Variants in WDR75 observed in about 807,000 individuals in gnomAD.
The protein encoded by WDR75 is WD repeat-containing protein 75.
WDR75 carries 52 observed loss-of-function variants against 106.1 expected under a neutral mutation model. That is an observed-to-expected ratio of 0.49 (90% CI 0.39 to 0.62). WDR75 has a LOEUF of 0.62. WDR75 is among the 20% of genes least tolerant of loss of function. The pLI is 0.00. For synonymous variants in WDR75, 333 were observed against 335.5 expected (o/e 0.99, Z 0.08); for missense variants, 905 against 970.3 (o/e 0.93, Z 0.89).
chr2:189,450,736 T>C lies in WDR75; in HGVS notation c.217-167T>C. 4 of 1,414,992 alleles carry C rather than the reference T, an allele frequency of 2.8e-6. No individual in the cohort carries two copies. In the East Asian group the frequency reaches 1.1e-4, roughly 40 times the overall value. The allele number at this position is 1,414,992 out of a possible 1,614,324, so 87.7% of individuals were successfully genotyped here. A position where few individuals can be genotyped will look rare whatever the true frequency, so the allele number is the denominator to read the frequency against. ...TGGATCTGCTTCTTGCAGAAAGCTG[T>C]GAAAAGATTGTTTTGCAGAAGCAAT... On this transcript the variant is annotated intron_variant, in intron 2 of 20. Transcript: ENST00000314761.
chr2:189,444,047 A>G (rs1686443139), intron 1 of WDR75, among the ~76,000 whole-genome samples: 1 of 152,180 alleles, frequency 6.6e-6, no homozygotes, highest in Non-Finnish European at 1.5e-5. Flanking sequence ...AGCTAGTAGT[A>G]GGTAGAAATT....
Position 189,467,637 on chromosome 2 carries a change from T to C in WDR75, c.1617T>C (p.Ala539=), listed in dbSNP as rs1438764596. The change falls in exon 14 of 21, where the codon GCT becomes GCC. Residue 539 remains alanine (A), a synonymous_variant. Coordinates refer to ENST00000314761, the MANE Select transcript of WDR75 (RefSeq NM_032168.3). The part of the protein sequence containing the change: ...WELKCTFCQR[A]GKIRHLCFGR... ...TTAAATGTACATTTTGCCAACGAGC[T>C]GGGAAAATAAGGTAGGTAAATCTTC... 1 of 1,596,716 alleles carries C rather than the reference T, an allele frequency of 6.3e-7. No homozygotes were observed. Among genetic ancestry groups the C allele is most frequent in the Non-Finnish European group, 8.5e-7 (1 of 1,172,024 alleles).
intron 3 of WDR75, 39 bp from the exon 4 acceptor site, chr2:189,451,766 G>T: frequency 6.4e-7 from 1 of 1,563,290 alleles, no homozygotes; most frequent in Non-Finnish European, 8.8e-7. Flanking sequence ...CCACTGGAGG[G>T]AACAGACAGT....
chr2:189,456,675 C>G (rs762522387), intron 5 of WDR75, among the ~76,000 whole-genome samples: 2 of 152,030 alleles, frequency 1.3e-5, no homozygotes, highest in Non-Finnish European at 2.9e-5. Context: ...AGGAAATGTT[C>G]TAGATCCTGA....
chr2:189,457,507 A>G, intron 6 of WDR75, 126 bp downstream of exon 6: 1 of 631,624 alleles, frequency 1.6e-6, no homozygotes, highest in Non-Finnish European at 2.8e-6. Context: ...TAAGACTGTG[A>G]AGTATGGAGG....
Position 189,462,579 on chromosome 2 carries a change from A to C in WDR75, c.874A>C (p.Thr292Pro), listed in dbSNP as rs1176824681. 6.8e-6 allele frequency: 11 copies of C among 1,614,088 alleles called. No homozygotes were observed. Among genetic ancestry groups the C allele is most frequent in the Non-Finnish European group, 9.3e-6 (11 of 1,179,968 alleles). ...NKEFLPRLGA[T>P]IEHISVSPAG... ...GGAGTTTCTCCCGCGTTTAGGAGCT[A>C]CTATTGAACATATCTCAGTCTCGCC... The change falls in exon 9 of 21, where the codon ACT (threonine) becomes CCT (proline). Residue 292 changes from threonine to proline, a missense_variant. By Grantham distance (38) the Thr-to-Pro change is conservative. Coordinates refer to ENST00000314761, the MANE Select transcript of WDR75 (RefSeq NM_032168.3).
intron 8 of WDR75, among the ~76,000 whole-genome samples, chr2:189,461,323 A>G (rs1418507013): frequency 6.6e-6 from 1 of 152,232 alleles, no homozygotes; most frequent in Non-Finnish European, 1.5e-5. Context: ...TCAAACCATT[A>G]GATTTAATTG....
chr2:189,455,540 C>A, intron 5 of WDR75, 96 bp downstream of exon 5: 2 of 1,419,762 alleles, frequency 1.4e-6, no homozygotes, highest in East Asian at 4.6e-5. Flanking sequence ...TTTTATATTC[C>A]CTTGAATTAC....
At chr2:189,466,671 C>T in intron 13 of WDR75, 89 bp downstream of exon 13, 2 of 1,322,344 alleles carry the variant, frequency 1.5e-6, no homozygotes, top group South Asian at 1.5e-5. Flanking sequence ...CCTGGGAGGA[C>T]ATTTTCTACT....
At chr2:189,475,116 A>G in intron 20 of WDR75, 97 bp from the exon 21 acceptor site, 1 of 963,972 alleles carries the variant, frequency 1.0e-6, no homozygotes, top group Non-Finnish European at 1.5e-6. Flanking sequence ...TTCTTCATTT[A>G]CTTTGTGTGA....
intron 4 of WDR75, 91 bp from the exon 5 acceptor site, chr2:189,455,229 A>T (rs1420019723): frequency 9.0e-6 from 13 of 1,438,870 alleles, no homozygotes; most frequent in Admixed American, 7.7e-5. Context: ...CGACAGAGCA[A>T]GACTTTGCCT....
chr2:189,467,320 G>A, intron 13 of WDR75, 148 bp from the exon 14 acceptor site: 4 of 683,590 alleles, frequency 5.9e-6, no homozygotes, highest in Admixed American at 3.0e-5. Context: ...TTTTTGTACT[G>A]TACACAGCTA....
At chr2:189,457,247 A>T in intron 5 of WDR75, 64 bp from the exon 6 acceptor site, 1 of 1,213,934 alleles carries the variant, frequency 8.2e-7, no homozygotes, top group Non-Finnish European at 1.2e-6. Flanking sequence ...GTCTCAAAAA[A>T]AAAAGAAAAA....
Position 189,455,318 on chromosome 2 carries a change from A to AGCT in WDR75, c.374-1_374insCTG. Reference sequence around the variant, plus strand: ...TATATTAATATAGCTTTCTTTGGCTAGATATATTTCAGCTGGTTTCAGTGA... The same window carrying AGCT: ...TATATTAATATAGCTTTCTTTGGCTAGCTGATATATTTCAGCTGGTTTCAGTGA... On this transcript the variant is annotated splice_acceptor_variant, in intron 4 of 20. Transcript: ENST00000314761. LOFTEE classifies it high-confidence loss of function. The AGCT allele has an allele frequency of 6.2e-7, 1 of 1,613,386 alleles. No individual in the cohort carries two copies. The highest frequency in any genetic ancestry group is 1.1e-5 in the South Asian group (1 of 91,040).
intron 1 of WDR75, 73 bp from the exon 2 acceptor site, chr2:189,448,306 A>G (rs1686542126): frequency 6.8e-7 from 1 of 1,462,162 alleles, no homozygotes; most frequent in Non-Finnish European, 9.2e-7. Context: ...AATGATGAAA[A>G]ATGTCTTTTT....
At chr2:189,474,980 T>A (rs1487924686) in intron 20 of WDR75, among the ~76,000 whole-genome samples, 172 bp downstream of exon 20, 1 of 152,186 alleles carries the variant, frequency 6.6e-6, no homozygotes, top group Non-Finnish European at 1.5e-5. Context: ...TGAAAATAAG[T>A]TTCAAAAAAG....
intron 2 of WDR75, chr2:189,450,021 A>T (rs1686582877): frequency 1.4e-5 from 14 of 985,338 alleles, no homozygotes; most frequent in Non-Finnish European, 1.7e-5. Context: ...CCTATGTGTT[A>T]GTAAGGTCTT....
chr2:189,474,208 C>A lies in WDR75; in HGVS notation c.2072C>A (p.Pro691His), dbSNP rs776733676. 1 of 1,612,186 alleles carries A rather than the reference C, an allele frequency of 6.2e-7. No individual in the cohort carries two copies. Among genetic ancestry groups the A allele is most frequent in the African/African-American group, 1.3e-5 (1 of 74,928 alleles). The change falls in exon 19 of 21, where the codon CCC (proline) becomes CAC (histidine). Residue 691 changes from proline (P) to histidine (H), a missense_variant. Coordinates refer to ENST00000314761, the MANE Select transcript of WDR75 (RefSeq NM_032168.3). ...SKQLLAEESL[P>H]TTPFYFILGK... The stretch of plus-strand genomic sequence containing the variant: ...AAGCTGCTAGCAGAAGAAAGTCTTC[C>A]CACAACCCCATTTTATTTCATATTG...
At chr2:189,464,474 C>T (rs10181606) in intron 11 of WDR75, among the ~76,000 whole-genome samples, 9,866 of 152,046 alleles carry the variant, frequency 0.065, 499 homozygotes, top group African/African-American at 0.14. Flanking sequence ...TCTTTCTCAC[C>T]GTGGCCTTTA....
Sources: gnomAD v4.1 joint callset for allele counts (sites outside exome capture counted in the v4.1 genomes callset) on GRCh38, gnomAD v4.1.1 for gene constraint, MANE v1.5 for transcripts, NCBI Gene and HGNC (gene_info 2026-07-23, HGNC 2026-07-21) for gene names.